The following MSRA variants were observed in gnomAD, a reference collection of about 807,000 sequenced individuals.
The protein encoded by MSRA is mitochondrial peptide methionine sulfoxide reductase.
A neutral mutation model predicts 31.3 loss-of-function variants in MSRA; 54 were observed. The ratio of observed to expected loss-of-function variants is 1.73; its 90% CI spans 1.39 to 2.17. The LOEUF (loss-of-function observed/expected upper bound fraction) is 2.17. Ranked by LOEUF, MSRA falls within the 30% of genes most tolerant of loss-of-function variation. The pLI is 0.00. For synonymous variants in MSRA, 169 were observed against 116.5 expected (o/e 1.45, Z -2.90); for missense variants, 507 against 300.9 (o/e 1.69, Z -5.07).
intron 1 of MSRA, among the ~76,000 whole-genome samples, chr8:10,111,952 G>C (rs928694379): frequency 6.6e-6 from 1 of 152,158 alleles, no homozygotes; most frequent in Non-Finnish European, 1.5e-5. Context: ...GCTTCTTCCT[G>C]ATGTTGGGTT....
At chr8:10,075,729 T>G (rs2128920584) in intron 1 of MSRA, among the ~76,000 whole-genome samples, 1 of 152,344 alleles carries the variant, frequency 6.6e-6, no homozygotes, top group South Asian at 2.1e-4. Flanking sequence ...CGTAAGGTGG[T>G]TCTCAGTCCC....
chr8:10,189,069 G>C (rs1042143542), intron 1 of MSRA, among the ~76,000 whole-genome samples: 3 of 152,248 alleles, frequency 2.0e-5, no homozygotes, highest in Non-Finnish European at 4.4e-5. Context: ...TCAGGGTACA[G>C]ACCTTACTGA....
intron 5 of MSRA, among the ~76,000 whole-genome samples, chr8:10,367,906 C>T (rs1443832197): frequency 2.6e-5 from 4 of 152,176 alleles, no homozygotes; most frequent in South Asian, 2.1e-4. Flanking sequence ...AGACTCTGCT[C>T]GTTTGTCCGT....
At chr8:10,238,049 A>G (rs1812100686) in intron 2 of MSRA, among the ~76,000 whole-genome samples, 1 of 152,148 alleles carries the variant, frequency 6.6e-6, no homozygotes, top group Non-Finnish European at 1.5e-5. Context: ...GTCCTTAACC[A>G]TCCCACAAGG....
rs181046119 is a variant in MSRA at position 10,145,110 on chromosome 8, T to C, written c.143-62723T>C. On this transcript the variant is annotated intron_variant, in intron 1 of 5. Transcript: ENST00000317173. Reference sequence around the variant, plus strand: ...GATTACATTGTTTTGGAGAGATTGCTATTAGCATACTGAAATGAAGTCTAA... The same window carrying C: ...GATTACATTGTTTTGGAGAGATTGCCATTAGCATACTGAAATGAAGTCTAA... Among the ~76,000 whole-genome samples, 296 of 152,322 alleles carry C rather than the reference T, an allele frequency of 1.9e-3. 1 individual carries two copies. The highest frequency in any genetic ancestry group is 7.0e-3 in the African/African-American group (290 of 41,576).
At chr8:10,063,746 C>G (rs1171726901) in intron 1 of MSRA, among the ~76,000 whole-genome samples, 8 of 152,226 alleles carry the variant, frequency 5.3e-5, no homozygotes, top group Non-Finnish European at 1.0e-4. Context: ...TCACCAGACA[C>G]TGAACCTGCT....
chr8:10,130,511 T>A (rs1801819992), intron 1 of MSRA, among the ~76,000 whole-genome samples: 1 of 152,172 alleles, frequency 6.6e-6, no homozygotes, highest in Non-Finnish European at 1.5e-5. Context: ...TGCTTGGATA[T>A]TTTCCCCTCC....
chr8:10,122,121 C>A (rs1261945850), intron 1 of MSRA, among the ~76,000 whole-genome samples: 3 of 152,252 alleles, frequency 2.0e-5, no homozygotes, highest in Middle Eastern at 3.4e-3. Context: ...CTGGAAGGGT[C>A]TGCAGAGCTA....
chr8:10,152,320 A>G (rs1319007926), intron 1 of MSRA, among the ~76,000 whole-genome samples: 1 of 152,238 alleles, frequency 6.6e-6, no homozygotes, highest in Non-Finnish European at 1.5e-5. Flanking sequence ...AATATGTCCA[A>G]TGTAAAATCT....
chr8:10,289,212 A>G (rs1223246806), intron 3 of MSRA, among the ~76,000 whole-genome samples: 1 of 151,910 alleles, frequency 6.6e-6, no homozygotes, highest in Non-Finnish European at 1.5e-5. Flanking sequence ...GACGGATTTC[A>G]CCATGTTGGC....
intron 5 of MSRA, among the ~76,000 whole-genome samples, chr8:10,381,853 A>C (rs1210719893): frequency 6.6e-6 from 1 of 152,064 alleles, no homozygotes; most frequent in Non-Finnish European, 1.5e-5. Context: ...GGACTGGAAA[A>C]ATCACCCTGG....
At position 10,159,993 on chromosome 8, in the gene MSRA, T is replaced by A. The variant is rs919454329; in HGVS notation, c.143-47840T>A. Among the ~76,000 whole-genome samples, 9 of 152,358 alleles carry A rather than the reference T, an allele frequency of 5.9e-5. No homozygotes were observed. The East Asian group carries it at 1.5e-3, about 26-fold the overall frequency. On this transcript the variant is annotated intron_variant, in intron 1 of 5. Transcript: ENST00000317173. ...GAAGATACTTTTATAACATGAAATCTTTAAAAAACCCTTTAGAAAAGTGGT... is the reference window on the plus strand; with the variant it reads ...GAAGATACTTTTATAACATGAAATCATTAAAAAACCCTTTAGAAAAGTGGT...
intron 1 of MSRA, among the ~76,000 whole-genome samples, chr8:10,153,995 G>T (rs1213652548): frequency 6.6e-6 from 1 of 152,184 alleles, no homozygotes; most frequent in Non-Finnish European, 1.5e-5. Flanking sequence ...TCAATGCCTT[G>T]TGGTCAAAGT....
chr8:10,124,971 C>G (rs1236150060), intron 1 of MSRA, among the ~76,000 whole-genome samples: 1 of 152,140 alleles, frequency 6.6e-6, no homozygotes, highest in Admixed American at 6.5e-5. Context: ...TAACTAGATA[C>G]ATTAAATAGT....
chr8:10,287,129 C>A (rs1331669368), intron 3 of MSRA, among the ~76,000 whole-genome samples: 1 of 152,152 alleles, frequency 6.6e-6, no homozygotes, highest in Non-Finnish European at 1.5e-5. Flanking sequence ...ATCTACTAGT[C>A]AAGGCTAAAA....
chr8:10,084,978 A>G (rs1798484334), intron 1 of MSRA, among the ~76,000 whole-genome samples: 1 of 152,220 alleles, frequency 6.6e-6, no homozygotes, highest in South Asian at 2.1e-4. Flanking sequence ...AATTTCCTTT[A>G]AAAATCTAGG....
intron 5 of MSRA, among the ~76,000 whole-genome samples, chr8:10,393,130 C>G (rs1446895023): frequency 6.6e-6 from 1 of 151,056 alleles, no homozygotes; most frequent in Non-Finnish European, 1.5e-5. Flanking sequence ...AAAAGAACCA[C>G]TTTGTCCACT....
chr8:10,296,435 T>C (rs1800547111), intron 3 of MSRA, among the ~76,000 whole-genome samples: 1 of 152,146 alleles, frequency 6.6e-6, no homozygotes, highest in Non-Finnish European at 1.5e-5. Flanking sequence ...CATTTAATCT[T>C]TGTTTTGTCA....
intron 1 of MSRA, among the ~76,000 whole-genome samples, chr8:10,169,104 G>T (rs183943179): frequency 2.6e-5 from 4 of 152,268 alleles, no homozygotes; most frequent in South Asian, 4.2e-4. Flanking sequence ...TCTCAAGTTG[G>T]CACAGTTATG....
Sources: gnomAD v4.1 joint callset for allele counts (sites outside exome capture counted in the v4.1 genomes callset) on GRCh38, gnomAD v4.1.1 for gene constraint, MANE v1.5 for transcripts, NCBI Gene and HGNC (gene_info 2026-07-23, HGNC 2026-07-21) for gene names.